The following PCDH15 variants were observed in gnomAD, a reference collection of about 807,000 sequenced individuals.
PCDH15 encodes the protein protocadherin related 15.
A neutral mutation model predicts 178.5 loss-of-function variants in PCDH15; 129 were observed. The ratio of observed to expected loss-of-function variants is 0.72; its 90% CI spans 0.63 to 0.84. PCDH15 has a LOEUF of 0.84. PCDH15 is among the 40% of genes least tolerant of loss of function. The pLI, the probability that PCDH15 is intolerant of heterozygous loss-of-function variation, is 0.00. For missense variants in PCDH15, 2,230 were observed against 2,099.9 expected (o/e 1.06, Z -1.21); for synonymous variants, 800 against 732.0 (o/e 1.09, Z -1.50).
intron 2 of PCDH15, among the ~76,000 whole-genome samples, chr10:55,066,532 A>G (rs1841568556): frequency 6.7e-6 from 1 of 148,892 alleles, no homozygotes; most frequent in Non-Finnish European, 1.5e-5. Context: ...TGAGGCTTTT[A>G]TTTTATTTTA....
At chr10:55,270,053 T>A (rs550931825) in intron 1 of PCDH15, among the ~76,000 whole-genome samples, 1 of 152,166 alleles carries the variant, frequency 6.6e-6, no homozygotes, top group Admixed American at 6.5e-5. Context: ...ATTCAATAAA[T>A]GGTCCTGGGT....
chr10:55,470,029 G>T (rs190152428), intron 2 of PCDH15, among the ~76,000 whole-genome samples: 1 of 152,090 alleles, frequency 6.6e-6, no homozygotes, highest in Admixed American at 6.5e-5. Flanking sequence ...CATCAGATAT[G>T]AATCTAATTT....
chr10:54,799,771 T>G (rs543648089), intron 1 of PCDH15, among the ~76,000 whole-genome samples: 1 of 152,082 alleles, frequency 6.6e-6, no homozygotes, highest in Admixed American at 6.5e-5. Context: ...AAGACACACA[T>G]GTACAGATAC....
intron 9 of PCDH15, among the ~76,000 whole-genome samples, chr10:54,219,690 C>T (rs1479224850): frequency 2.7e-5 from 4 of 150,252 alleles, no homozygotes; most frequent in African/African-American, 4.9e-5. Context: ...TCTCCCTTTC[C>T]GAGAAAAACA....
chr10:54,181,044 C>A (rs956240150), intron 13 of PCDH15, among the ~76,000 whole-genome samples: 2 of 152,284 alleles, frequency 1.3e-5, no homozygotes, highest in Middle Eastern at 3.4e-3. Flanking sequence ...TTCTTACTTA[C>A]ACTTTGTAGT....
At chr10:55,332,988 T>C (rs1003873001) in intron 2 of PCDH15, among the ~76,000 whole-genome samples, 2 of 152,170 alleles carry the variant, frequency 1.3e-5, no homozygotes, top group Non-Finnish European at 2.9e-5. Context: ...GCCACACATC[T>C]TTTACATGAC....
At chr10:55,563,563 T>G (rs969279322) in intron 2 of PCDH15, among the ~76,000 whole-genome samples, 1 of 149,162 alleles carries the variant, frequency 6.7e-6, no homozygotes, top group African/African-American at 2.5e-5. Flanking sequence ...AGATGTCCAG[T>G]TTTCAACAAA....
chr10:55,248,413 A>ATAAT (rs1227591416), intron 1 of PCDH15, among the ~76,000 whole-genome samples: 1 of 151,964 alleles, frequency 6.6e-6, no homozygotes, highest in Non-Finnish European at 1.5e-5. Context: ...ACATATTCCT[A>ATAAT]ATGTTTTCTT....
intron 10 of PCDH15, among the ~76,000 whole-genome samples, chr10:54,202,975 C>T (rs1443023899): frequency 6.6e-6 from 1 of 152,210 alleles, no homozygotes; most frequent in East Asian, 1.9e-4. Context: ...GGTGTGGCTA[C>T]TCAAACTCCA....
At chr10:54,478,292 T>A (rs968898690) in intron 3 of PCDH15, among the ~76,000 whole-genome samples, 13 of 152,130 alleles carry the variant, frequency 8.5e-5, no homozygotes, top group African/African-American at 3.1e-4. Context: ...ATAAGACATT[T>A]TAAAAGTAAC....
chr10:54,896,580 C>T (rs1954549082), intron 3 of PCDH15, among the ~76,000 whole-genome samples: 1 of 147,690 alleles, frequency 6.8e-6, no homozygotes, highest in African/African-American at 2.4e-5. Context: ...CAAGTCATGC[C>T]AATAAGATGT....
chr10:54,828,189 C>T (rs768332476), intron 3 of PCDH15, among the ~76,000 whole-genome samples: 1 of 151,830 alleles, frequency 6.6e-6, no homozygotes, highest in African/African-American at 2.4e-5. Context: ...CATTAATATA[C>T]CTTGGCTTGG....
chr10:55,464,376 A>C (rs1433349120), intron 2 of PCDH15, among the ~76,000 whole-genome samples: 2 of 152,070 alleles, frequency 1.3e-5, no homozygotes, highest in Non-Finnish European at 2.9e-5. Flanking sequence ...TAAAAATGTA[A>C]ATGCCACTGT....
chr10:54,410,605 C>T (rs760708695), intron 3 of PCDH15, among the ~76,000 whole-genome samples: 1 of 152,138 alleles, frequency 6.6e-6, no homozygotes, highest in Non-Finnish European at 1.5e-5. Context: ...GAATAAATTA[C>T]ATGGAGTCCT....
intron 2 of PCDH15, among the ~76,000 whole-genome samples, chr10:54,645,611 A>T (rs11004430): frequency 6.0e-4 from 91 of 152,250 alleles, no homozygotes; most frequent in African/African-American, 2.0e-3. Context: ...GAAATTTGTA[A>T]GAAGAATTGT....
intron 32 of PCDH15, 65 bp from the exon 33 acceptor site, chr10:53,820,295 T>G: frequency 2.5e-6 from 1 of 396,536 alleles, no homozygotes; most frequent in Non-Finnish European, 4.5e-6. Flanking sequence ...GTAATTACTC[T>G]TGATTTCGAT....
intron 2 of PCDH15, among the ~76,000 whole-genome samples, chr10:55,598,547 T>TATATATAGATAG (rs1842988294): frequency 8.0e-5 from 4 of 50,204 alleles, no homozygotes; most frequent in African/African-American, 4.5e-4. Flanking sequence ...TATATATATA[T>TATATATAGATAG]ATATATATAT....
chr10:54,955,720 A>C (rs1838469045), intron 2 of PCDH15, among the ~76,000 whole-genome samples: 1 of 151,278 alleles, frequency 6.6e-6, no homozygotes, highest in Admixed American at 6.6e-5. Flanking sequence ...TGATTTTGTC[A>C]TTCTGTAGGC....
intron 3 of PCDH15, among the ~76,000 whole-genome samples, chr10:54,423,462 A>T (rs1170287289): frequency 2.0e-5 from 3 of 151,882 alleles, no homozygotes; most frequent in Non-Finnish European, 4.4e-5. Flanking sequence ...TTTTGAAAAG[A>T]GATAGAAAGA....
Sources: allele counts gnomAD v4.1 joint callset (sites outside exome capture counted in the v4.1 genomes callset), GRCh38; gene constraint gnomAD v4.1.1; transcripts MANE v1.5; gene names NCBI Gene and HGNC (gene_info 2026-07-23, HGNC 2026-07-21).